The following SUDS3 variants were observed in gnomAD, a reference collection of about 807,000 sequenced individuals.
SUDS3 encodes the protein SIN3A corepressor complex component SDS3.
SUDS3 carries 23 observed loss-of-function variants against 53.5 expected under a neutral mutation model. The observed-to-expected ratio is 0.43, with a 90% confidence interval of 0.31 to 0.61. The LOEUF is 0.61. Ranked by LOEUF, SUDS3 falls within the 20% of genes least tolerant of loss-of-function variation. The probability of loss-of-function intolerance (pLI) is 0.10; values close to 1 mark genes in which losing one functional copy is unlikely to be tolerated. For missense variants in SUDS3, 291 were observed against 405.9 expected, an observed-to-expected ratio of 0.72 and a Z score of 2.43; for synonymous variants, 150 against 148.5, an observed-to-expected ratio of 1.01 and a Z score of -0.08.
intron 1 of SUDS3, among the ~76,000 whole-genome samples, chr12:118,379,539 G>A (rs2046034566): frequency 6.6e-6 from 1 of 152,188 alleles, no homozygotes; most frequent in Non-Finnish European, 1.5e-5. Context: ...ATCCACGGGA[G>A]GTGCAGTAAC....
chr12:118,402,652 A>G (rs12316703), intron 9 of SUDS3: 35,088 of 152,166 alleles, frequency 0.23, 6,657 homozygotes, highest in African/African-American at 0.5. Context: ...TTTCTAGGTA[A>G]TATCTTCCTG....
At chr12:118,377,667 G>T (rs940668852) in intron 1 of SUDS3, among the ~76,000 whole-genome samples, 1 of 152,144 alleles carries the variant, frequency 6.6e-6, no homozygotes, top group African/African-American at 2.4e-5. Flanking sequence ...GCAAGTGTGA[G>T]GAACGCTATT....
rs770909945 is a variant in SUDS3 at position 118,384,052 on chromosome 12, C to G, written c.253C>G (p.Gln85Glu). ...ACTGGCTTCTCTCAAGAGGCAGTTG[C>G]AACAACTGCAAGAAGGTTGGTGTGT... ...DKLASLKRQL[Q>E]QLQEGTLQEY... Residue 85 changes from glutamine to glutamate, a missense_variant, in exon 3 of 12, where the codon CAA becomes GAA. This residue lies in a region of SUDS3 where 149 missense variants were observed against 146.5 expected (regional missense o/e 1.02). Coordinates refer to ENST00000543473, the MANE Select transcript of SUDS3 (RefSeq NM_022491.3). The G allele has an allele frequency of 2.0e-5, 33 of 1,613,386 alleles. No homozygotes were observed. The highest frequency in any genetic ancestry group is 3.3e-5 in the South Asian group (3 of 91,050).
intron 6 of SUDS3, among the ~76,000 whole-genome samples, chr12:118,396,105 A>G (rs2046212918): frequency 6.6e-6 from 1 of 152,182 alleles, no homozygotes; most frequent in South Asian, 2.1e-4. Context: ...GATGTCTGCT[A>G]GGATTGCTCT....
rs546522053 is a variant in SUDS3 at position 118,393,732 on chromosome 12, G to A, written c.517+2450G>A. ...GTCGCCCAGGCTGGAATGCAGTGGC[G>A]CAGTCTCGGCTCACTGCAACCTCCA... is the stretch of plus-strand genomic sequence containing the variant. On this transcript the variant is annotated intron_variant, in intron 6 of 11. Transcript: ENST00000543473. Among the ~76,000 whole-genome samples, 7 of 151,336 alleles carry A rather than the reference G, an allele frequency of 4.6e-5. No individual in the cohort carries two copies. The East Asian group carries it at 7.8e-4, about 17-fold the overall frequency.
At chr12:118,383,855 T>G (rs895846218) in intron 2 of SUDS3, among the ~76,000 whole-genome samples, 157 bp from the exon 3 acceptor site, 4 of 152,240 alleles carry the variant, frequency 2.6e-5, no homozygotes, top group African/African-American at 9.6e-5. Context: ...TGGCTGCTGG[T>G]GCATTTTAAG....
At position 118,403,378 on chromosome 12, in the gene SUDS3, C is replaced by T. The variant is rs376788950; in HGVS notation, c.698-34C>T. ...CTGGTAGACTCGCATGTGTTTGTTA[C>T]ATTCTTAGTCACGTAAGTATTGGTT... On this transcript the variant is annotated intron_variant, in intron 9 of 11. Transcript: ENST00000543473. 4 of 1,530,656 alleles carry T rather than the reference C, an allele frequency of 2.6e-6. No homozygotes were observed. The African/African-American group carries it at 5.5e-5, about 21-fold the overall frequency. 94.8% of individuals were successfully genotyped at this position (1,530,656 alleles called of 1,614,324 possible).
chr12:118,409,344 A>G (rs906999620), intron 10 of SUDS3, among the ~76,000 whole-genome samples: 14 of 152,110 alleles, frequency 9.2e-5, no homozygotes, highest in African/African-American at 3.1e-4. Flanking sequence ...ATGGGGTTTC[A>G]CCATGTTGGC....
At chr12:118,390,035 A>C (rs2046151693) in intron 5 of SUDS3, 89 bp downstream of exon 5, 7 of 1,512,150 alleles carry the variant, frequency 4.6e-6, no homozygotes, top group Non-Finnish European at 6.4e-6. Flanking sequence ...TTCTATCACC[A>C]AGTAGATAGT....
At position 118,386,139 on chromosome 12, in the gene SUDS3, A is replaced by G; in HGVS notation, c.294A>G (p.Arg98=). 6.2e-7 allele frequency: 1 copy of G among 1,601,418 alleles called. No individual in the cohort carries two copies. Among genetic ancestry groups the G allele is most frequent in the South Asian group, 1.1e-5 (1 of 88,248 alleles). Residue 98 remains arginine (R), a synonymous_variant, in exon 4 of 12, where the codon AGA becomes AGG. Transcript: ENST00000543473. ...GTACATTACAGGAATATCAGAAGAG[A>G]ATGAAAAAACTAGATCAGCAGTACA... is the stretch of plus-strand genomic sequence containing the variant. ...QEGTLQEYQK[R]MKKLDQQYKE...
intron 3 of SUDS3, among the ~76,000 whole-genome samples, chr12:118,385,050 G>T (rs903675632): frequency 6.6e-6 from 1 of 152,140 alleles, no homozygotes; most frequent in Non-Finnish European, 1.5e-5. Flanking sequence ...GTTAGCTGTG[G>T]CAGTGAGCTC....
chr12:118,398,681 T>C (rs2046237836), intron 6 of SUDS3, among the ~76,000 whole-genome samples: 1 of 141,312 alleles, frequency 7.1e-6, no homozygotes, highest in Non-Finnish European at 1.5e-5. Context: ...TCCTGCACAC[T>C]GCTTGGTAGA....
chr12:118,405,478 C>T (rs1465339356), intron 10 of SUDS3, among the ~76,000 whole-genome samples: 1 of 152,180 alleles, frequency 6.6e-6, no homozygotes, highest in Non-Finnish European at 1.5e-5. Flanking sequence ...TGTGTTAGAA[C>T]TCCTAAGCAT....
rs1490868233 is a variant in SUDS3 at position 118,416,286 on chromosome 12, C to T, written c.*1853C>T. The T allele has an allele frequency of 1.3e-5, 2 of 152,306 alleles. No homozygotes were observed. The highest frequency in any genetic ancestry group is 2.9e-5 in the Non-Finnish European group (2 of 68,024). The allele number at this position is 152,306 out of a possible 1,614,324, so 9.4% of individuals were successfully genotyped here. On this transcript the variant is annotated 3_prime_UTR_variant, in exon 12 of 12. Transcript: ENST00000543473. ...TTCAATGATCATGTGTTTTGTCCTC[C>T]TAAACAGTATACCAAAGTTTGTTTT... is the stretch of plus-strand genomic sequence containing the variant.
intron 1 of SUDS3, among the ~76,000 whole-genome samples, chr12:118,378,259 A>G (rs1237535656): frequency 6.6e-6 from 1 of 152,088 alleles, no homozygotes; most frequent in Non-Finnish European, 1.5e-5. Context: ...TAACTTGGAA[A>G]ATATTTATTT....
At chr12:118,384,904 A>G (rs567771262) in intron 3 of SUDS3, among the ~76,000 whole-genome samples, 1 of 151,928 alleles carries the variant, frequency 6.6e-6, no homozygotes, top group East Asian at 1.9e-4. Flanking sequence ...GCTTCTAGTA[A>G]TGTGACCTTG....
rs148240547 is a variant in SUDS3, at chr12:118,388,893, A to C, written c.341-1034A>C. On this transcript the variant is annotated intron_variant, in intron 4 of 11. Transcript: ENST00000543473. ...GCCGTAGGCAGTGGCTCACGCCTGTAATCCCAGCACTCTGGGAGGCTGAGG... is the reference window on the plus strand; with the variant it reads ...GCCGTAGGCAGTGGCTCACGCCTGTCATCCCAGCACTCTGGGAGGCTGAGG... Among the ~76,000 whole-genome samples, 1,007 of 152,288 alleles carry C rather than the reference A, an allele frequency of 6.6e-3. 11 individuals are homozygous for C. The highest frequency in any genetic ancestry group is 0.023 in the African/African-American group (967 of 41,566).
chr12:118,413,452 T>C (rs2046375241), intron 11 of SUDS3, among the ~76,000 whole-genome samples: 1 of 152,200 alleles, frequency 6.6e-6, no homozygotes, highest in African/African-American at 2.4e-5. Context: ...TGCTGAGCTT[T>C]GGTTTCCTCT....
At chr12:118,390,088 G>T in intron 5 of SUDS3, 142 bp downstream of exon 5, 1 of 1,029,184 alleles carries the variant, frequency 9.7e-7, no homozygotes, top group Non-Finnish European at 1.5e-6. Context: ...AAGGACATTT[G>T]GTCTCAGCTC....
Sources: allele counts gnomAD v4.1 joint callset (sites outside exome capture counted in the v4.1 genomes callset), GRCh38; gene constraint gnomAD v4.1.1; regional missense constraint gnomAD v4.1.1; transcripts MANE v1.5; gene names NCBI Gene and HGNC (gene_info 2026-07-23, HGNC 2026-07-21).